Variants in MRAS observed in about 807,000 individuals in gnomAD.
MRAS encodes the protein muscle RAS oncogene homolog.
In MRAS, 4 loss-of-function variants were observed where a neutral mutation model predicts 20.9. The observed-to-expected ratio is 0.19, with a 90% CI of 0.09 to 0.44. MRAS has a LOEUF of 0.44. MRAS is among the 20% of genes least tolerant of loss of function. The pLI, the probability that MRAS is intolerant of heterozygous loss-of-function variation, is 0.99. For missense variants in MRAS, 154 were observed against 277.5 expected (o/e 0.56, Z 3.16); for synonymous variants, 98 against 102.9 (o/e 0.95, Z 0.29).
At chr3:138,367,068 G>A (rs4437085) in intron 1 of MRAS, among the ~76,000 whole-genome samples, 125,464 of 152,152 alleles carry the variant, frequency 0.82, 52,179 homozygotes, top group East Asian at 0.97. Flanking sequence ...GAGCCCTGCC[G>A]TTTTGCCATT....
chr3:138,380,627 A>G (rs2054881753), intron 2 of MRAS, among the ~76,000 whole-genome samples: 2 of 147,500 alleles, frequency 1.4e-5, no homozygotes, highest in South Asian at 2.1e-4. Context: ...TTCTGTCTCT[A>G]TGTATTTAAC....
At chr3:138,402,138 C>G in intron 5 of MRAS, 32 bp from the exon 6 acceptor site, 1 of 1,603,262 alleles carries the variant, frequency 6.2e-7, no homozygotes, top group Non-Finnish European at 8.5e-7. Flanking sequence ...CCCATTCTGA[C>G]TTTGTCTTTC....
At chr3:138,379,593 G>A (rs1297025953) in intron 2 of MRAS, among the ~76,000 whole-genome samples, 1 of 152,136 alleles carries the variant, frequency 6.6e-6, no homozygotes, top group African/African-American at 2.4e-5. Flanking sequence ...CCTGACCTCA[G>A]GTGATCTGCC....
chr3:138,362,648 T>G (rs998526167), intron 1 of MRAS, among the ~76,000 whole-genome samples: 19 of 152,174 alleles, frequency 1.2e-4, no homozygotes, highest in South Asian at 6.2e-4. Context: ...CGTATGGACT[T>G]GGGGCTAGGG....
At chr3:138,358,378 CT>C in intron 1 of MRAS, among the ~76,000 whole-genome samples, 2 of 152,060 alleles carry the variant, frequency 1.3e-5, no homozygotes, top group Admixed American at 1.3e-4. Flanking sequence ...AATAACTCAT[CT>C]AAAAAAGAAT....
chr3:138,365,787 A>G (rs1433059278), intron 1 of MRAS, among the ~76,000 whole-genome samples: 1 of 152,186 alleles, frequency 6.6e-6, no homozygotes, highest in Non-Finnish European at 1.5e-5. Context: ...TGCCAAGAGT[A>G]CTGTGTTGAC....
At chr3:138,391,037 A>G (rs902540711) in intron 2 of MRAS, among the ~76,000 whole-genome samples, 3 of 152,140 alleles carry the variant, frequency 2.0e-5, no homozygotes, top group Non-Finnish European at 4.4e-5. Context: ...AGAATTGCTG[A>G]AAGCTGGGTT....
rs879657525 is a variant in MRAS, at chr3:138,405,420, G to C, written c.*3151G>C. 6.5e-6 allele frequency: 1 copy of C among 152,690 alleles called. No individual in the cohort carries two copies. The highest frequency in any genetic ancestry group is 1.5e-5 in the Non-Finnish European group (1 of 68,052). 9.5% of individuals were successfully genotyped at this position (152,690 alleles called of 1,614,324 possible). The stretch of plus-strand genomic sequence containing the variant: ...TTCTGTTTCATAGTCTTAACAGGTG[G>C]CCATTGTCGTGAAACGAGTGATGCC... On this transcript the variant is annotated 3_prime_UTR_variant, in exon 6 of 6. Transcript: ENST00000423968.
At chr3:138,397,250 T>G in intron 2 of MRAS, 74 bp from the exon 3 acceptor site, 4 of 1,537,756 alleles carry the variant, frequency 2.6e-6, no homozygotes, top group Non-Finnish European at 3.5e-6. Context: ...GCAGCAGCAG[T>G]GTTGGAGTCT....
chr3:138,364,196 G>C (rs1045530119), intron 1 of MRAS, among the ~76,000 whole-genome samples: 16 of 152,172 alleles, frequency 1.1e-4, no homozygotes, highest in African/African-American at 2.7e-4. Context: ...TCCGAGAAGG[G>C]AGAGGTAGGA....
At chr3:138,378,927 C>T (rs536213239) in intron 2 of MRAS, among the ~76,000 whole-genome samples, 2 of 152,148 alleles carry the variant, frequency 1.3e-5, no homozygotes, top group South Asian at 4.2e-4. Context: ...GCTCCCTTTT[C>T]TTTTATTGAT....
At chr3:138,365,443 A>T (rs976062573) in intron 1 of MRAS, among the ~76,000 whole-genome samples, 18 of 152,224 alleles carry the variant, frequency 1.2e-4, no homozygotes, top group Admixed American at 7.2e-4. Context: ...AGTAAGCCCA[A>T]CAACAGTGTC....
chr3:138,366,087 C>T (rs936369594), intron 1 of MRAS, among the ~76,000 whole-genome samples: 1 of 152,188 alleles, frequency 6.6e-6, no homozygotes, highest in African/African-American at 2.4e-5. Context: ...TTAAGGGATG[C>T]CAAGTGGCCT....
At chr3:138,389,680 C>T (rs997020833) in intron 2 of MRAS, among the ~76,000 whole-genome samples, 1 of 151,806 alleles carries the variant, frequency 6.6e-6, no homozygotes, top group Non-Finnish European at 1.5e-5. Flanking sequence ...CTTCCTGGTG[C>T]ATGGCCTTTA....
intron 1 of MRAS, among the ~76,000 whole-genome samples, chr3:138,362,131 G>T (rs1179987086): frequency 6.6e-6 from 1 of 152,180 alleles, no homozygotes; most frequent in African/African-American, 2.4e-5. Flanking sequence ...GCATTCCTGT[G>T]AGCCAGGGAT....
intron 2 of MRAS, among the ~76,000 whole-genome samples, chr3:138,376,305 A>G (rs2108525264): frequency 6.6e-6 from 1 of 152,300 alleles, no homozygotes; most frequent in East Asian, 1.9e-4. Flanking sequence ...TGACACTAGT[A>G]TCCACCCCAC....
intron 1 of MRAS, among the ~76,000 whole-genome samples, chr3:138,357,203 G>A (rs776262544): frequency 6.6e-6 from 1 of 152,214 alleles, no homozygotes. Flanking sequence ...CCTTTGTGTG[G>A]AAGGAGAAGG....
intron 2 of MRAS, among the ~76,000 whole-genome samples, chr3:138,391,983 C>T (rs952747763): frequency 6.6e-6 from 1 of 152,064 alleles, no homozygotes. Flanking sequence ...ACTAAAAATA[C>T]AAAAATTAGC....
intron 1 of MRAS, among the ~76,000 whole-genome samples, chr3:138,363,833 C>A (rs906551419): frequency 5.6e-5 from 7 of 124,456 alleles, no homozygotes; most frequent in Non-Finnish European, 1.3e-4. Context: ...CCCCCCCCCC[C>A]CAAACCACAG....
Sources: gnomAD v4.1 joint callset for allele counts (sites outside exome capture counted in the v4.1 genomes callset) on GRCh38, gnomAD v4.1.1 for gene constraint, MANE v1.5 for transcripts, NCBI Gene and HGNC (gene_info 2026-07-23, HGNC 2026-07-21) for gene names.